The following NRXN3 variants were observed in gnomAD, a reference collection of about 807,000 sequenced individuals.
The protein encoded by NRXN3 is neurexin 3.
In NRXN3, 32 loss-of-function variants were observed where a neutral mutation model predicts 137.6. That is an observed-to-expected ratio of 0.23 (90% confidence interval 0.18 to 0.31). The LOEUF is 0.31. Ranked by LOEUF, NRXN3 falls within the 10% of genes least tolerant of loss-of-function variation. The pLI is 1.00. For missense variants in NRXN3, 1,574 were observed against 2,062.5 expected, an observed-to-expected ratio of 0.76 and a Z score of 4.59; for synonymous variants, 798 against 784.5, an observed-to-expected ratio of 1.02 and a Z score of -0.29.
chr14:78,256,801 A>C (rs1266381280), intron 2 of NRXN3, among the ~76,000 whole-genome samples: 1 of 152,200 alleles, frequency 6.6e-6, no homozygotes, highest in Admixed American at 6.5e-5. Flanking sequence ...GAGCGTAGTA[A>C]ATTTTTCTTT....
chr14:78,691,176 G>A (rs1027043667), intron 6 of NRXN3, among the ~76,000 whole-genome samples: 5 of 151,796 alleles, frequency 3.3e-5, no homozygotes, highest in African/African-American at 1.2e-4. Context: ...GAGAATGGAG[G>A]CCTATATAAA....
At chr14:78,405,613 CG>C (rs3037826) in intron 4 of NRXN3, among the ~76,000 whole-genome samples, 9 of 128,772 alleles carry the variant, frequency 7.0e-5, no homozygotes, top group Admixed American at 1.6e-4. Context: ...GGGGAAGGGG[CG>C]GGGGGGTTCC....
chr14:79,696,300 AC>A (rs1182490062), intron 18 of NRXN3, among the ~76,000 whole-genome samples: 1 of 151,524 alleles, frequency 6.6e-6, no homozygotes, highest in Non-Finnish European at 1.5e-5. Context: ...TTTGTTAAAA[AC>A]CCTCTTTTTA....
intron 15 of NRXN3, among the ~76,000 whole-genome samples, chr14:79,126,632 C>T (rs1391704904): frequency 6.6e-6 from 1 of 151,994 alleles, no homozygotes; most frequent in Non-Finnish European, 1.5e-5. Context: ...CCGCAATAAA[C>T]ATACGTGTGC....
chr14:78,460,304 T>C (rs958520039), intron 4 of NRXN3, among the ~76,000 whole-genome samples: 2 of 152,224 alleles, frequency 1.3e-5, no homozygotes, highest in African/African-American at 2.4e-5. Context: ...GATTACATCA[T>C]TGCCATTGGG....
intron 4 of NRXN3, among the ~76,000 whole-genome samples, chr14:78,329,572 C>T (rs556591411): frequency 5.7e-4 from 87 of 152,196 alleles, no homozygotes; most frequent in South Asian, 3.9e-3. Context: ...AAGAGCTTTG[C>T]GCTAATGGAC....
At chr14:78,282,964 A>T (rs1243438096) in intron 3 of NRXN3, 1 of 152,218 alleles carries the variant, frequency 6.6e-6, no homozygotes, top group Non-Finnish European at 1.5e-5. Context: ...CAGGACCTCT[A>T]GGTGTATACT....
intron 7 of NRXN3, among the ~76,000 whole-genome samples, chr14:78,711,434 CTTTTTTTTTTTTTTTT>C (rs35251417): frequency 1.9e-4 from 19 of 99,090 alleles, no homozygotes; most frequent in African/African-American, 3.0e-4. Flanking sequence ...ATTCTTTTCT[CTTTTTTTTTTTTTTTT>C]TTTTTTTTGA....
rs2099277467 is a variant in NRXN3 at position 79,823,013 on chromosome 14, G to C, written c.4093+17823G>C. The stretch of plus-strand genomic sequence containing the variant: ...ACTGTAAGCCTTGTAACAAAGGAGA[G>C]AGAGCTATTTTGGAAAGCTGAATTA... On this transcript the variant is annotated intron_variant, in intron 20 of 20. Transcript: ENST00000335750. Among the ~76,000 whole-genome samples, 5 of 152,244 alleles carry C rather than the reference G, an allele frequency of 3.3e-5. No homozygotes were observed. The South Asian group carries it at 1.0e-3, about 32-fold the overall frequency.
chr14:78,862,986 A>G (rs1000312293), intron 10 of NRXN3, among the ~76,000 whole-genome samples: 70 of 152,158 alleles, frequency 4.6e-4, no homozygotes, highest in African/African-American at 1.3e-3. Flanking sequence ...ATAAATTTAA[A>G]TTAATGGAAA....
Position 78,197,112 on chromosome 14 carries a change from G to A in NRXN3, c.-704+26438G>A, listed in dbSNP as rs536521295. Among the ~76,000 whole-genome samples the A allele has an allele frequency of 3.9e-5, 6 of 152,288 alleles. No individual in the cohort carries two copies. In the South Asian group the frequency reaches 1.0e-3, roughly 26 times the overall value. On this transcript the variant is annotated intron_variant, in intron 1 of 20. Transcript: ENST00000335750. ...GTGTGGCAGTTTGCTTGTATCTTCT[G>A]TTCTCCACCTCTTTCCTTTGAGCTC...
At chr14:79,747,927 A>G (rs186023090) in intron 19 of NRXN3, among the ~76,000 whole-genome samples, 33 of 152,204 alleles carry the variant, frequency 2.2e-4, no homozygotes, top group African/African-American at 7.9e-4. Context: ...TCGACTTTAT[A>G]GGGTTATTGT....
chr14:79,221,470 G>A (rs1037320483), intron 15 of NRXN3, among the ~76,000 whole-genome samples: 64 of 152,086 alleles, frequency 4.2e-4, no homozygotes, highest in Middle Eastern at 6.8e-3. Flanking sequence ...ATGGTATCTC[G>A]TTGTGGTTTT....
intron 8 of NRXN3, among the ~76,000 whole-genome samples, chr14:78,731,119 C>A (rs2098513282): frequency 6.6e-6 from 1 of 152,000 alleles, no homozygotes; most frequent in African/African-American, 2.4e-5. Flanking sequence ...CATTCAATTT[C>A]TTTTCACTAC....
chr14:78,634,969 T>C (rs1306308395), intron 4 of NRXN3, among the ~76,000 whole-genome samples: 1 of 152,188 alleles, frequency 6.6e-6, no homozygotes, highest in Admixed American at 6.5e-5. Context: ...TACCTTATAC[T>C]TCCCTGTTCA....
At chr14:79,406,522 A>G (rs1055976519) in intron 15 of NRXN3, among the ~76,000 whole-genome samples, 4 of 151,018 alleles carry the variant, frequency 2.6e-5, no homozygotes, top group Non-Finnish European at 5.9e-5. Flanking sequence ...CAGCTGGTCT[A>G]GATCTCCTAG....
At chr14:79,512,870 C>T (rs1188242433) in intron 16 of NRXN3, among the ~76,000 whole-genome samples, 1 of 152,188 alleles carries the variant, frequency 6.6e-6, no homozygotes, top group Non-Finnish European at 1.5e-5. Flanking sequence ...GGCATAACAC[C>T]TATATACTTT....
At chr14:79,027,230 T>C (rs528043150) in intron 15 of NRXN3, among the ~76,000 whole-genome samples, 60 of 151,790 alleles carry the variant, frequency 4.0e-4, no homozygotes, top group African/African-American at 1.4e-3. Flanking sequence ...CTACCAGATG[T>C]TGGGAGGAAT....
At chr14:79,090,893 G>A (rs2049034566) in intron 15 of NRXN3, among the ~76,000 whole-genome samples, 1 of 152,062 alleles carries the variant, frequency 6.6e-6, no homozygotes, top group African/African-American at 2.4e-5. Flanking sequence ...AATTTTTAAT[G>A]GAAACATAAA....
Sources: allele counts gnomAD v4.1 joint callset (sites outside exome capture counted in the v4.1 genomes callset), GRCh38; gene constraint gnomAD v4.1.1; transcripts MANE v1.5; gene names NCBI Gene and HGNC (gene_info 2026-07-23, HGNC 2026-07-21).